FANCG: variants seen among roughly 807,000 people sequenced by gnomAD.
The protein encoded by FANCG is FA complementation group G.
In FANCG, 67 loss-of-function variants were observed where a neutral mutation model predicts 73.3. That is an observed-to-expected ratio of 0.91 (90% CI 0.75 to 1.12). FANCG has a LOEUF of 1.12. Among genes scored for constraint, FANCG ranks in the 50% most tolerant of loss-of-function variants. FANCG has a pLI of 0.00. For synonymous variants in FANCG, 297 were observed against 311.6 expected, an observed-to-expected ratio of 0.95 and a Z score of 0.49; for missense variants, 643 against 735.6, an observed-to-expected ratio of 0.87 and a Z score of 1.46.
intron 12 of FANCG, 86 bp from the exon 13 acceptor site, chr9:35,074,580 G>A (rs1216726692): frequency 6.4e-7 from 1 of 1,562,770 alleles, no homozygotes; most frequent in African/African-American, 1.4e-5. Flanking sequence ...GAGGCCTAGA[G>A]AGAGGAAGTA....
chr9:35,075,962 C>T lies in FANCG; in HGVS notation c.1143G>A (p.Arg381=). The change falls in exon 9 of 14, where the codon AGG becomes AGA. Residue 381 remains arginine, a splice_region_variant and synonymous_variant. Transcript: ENST00000378643. ...CAGAGAAGCTTGAAGACACACCCAC[C>T]CTTGGCTCCGAGCTATCCAGCAACA... ...LALLLDSSEP[R]FSPPPSPPGP... 6.2e-7 allele frequency: 1 copy of T among 1,614,136 alleles called. No homozygotes were observed.
intron 11 of FANCG, 89 bp from the exon 12 acceptor site, chr9:35,075,171 C>T (rs1829059139): frequency 3.7e-6 from 6 of 1,605,822 alleles, no homozygotes; most frequent in Non-Finnish European, 5.1e-6. Flanking sequence ...CTTGTGTCCA[C>T]AGTCCCTTTC....
At position 35,074,029 on chromosome 9, in the gene FANCG, A is replaced by C. The variant is rs1829028207; in HGVS notation, c.*79T>G. On this transcript the variant is annotated 3_prime_UTR_variant, in exon 14 of 14. Transcript: ENST00000378643. ...TTATATAGGAATGGTCACATTCCTA[A>C]TGATGGTGAAGCAGAAAGCCCTCCC... 9.7e-7 allele frequency: 1 copy of C among 1,030,546 alleles called. No individual in the cohort carries two copies. 63.8% of individuals were successfully genotyped at this position (1,030,546 alleles called of 1,614,324 possible).
intron 10 of FANCG, 30 bp downstream of exon 10, chr9:35,075,435 T>G: frequency 6.2e-7 from 1 of 1,613,940 alleles, no homozygotes; most frequent in Non-Finnish European, 8.5e-7. Flanking sequence ...AAATCATCCC[T>G]CCACACCCCC....
chr9:35,078,521 G>A (rs933091960), intron 3 of FANCG, 84 bp downstream of exon 3: 2 of 1,596,234 alleles, frequency 1.3e-6, no homozygotes, highest in East Asian at 2.2e-5. Flanking sequence ...GGTGACAGAT[G>A]TTGTTTATCC....
Position 35,078,598 on chromosome 9 carries a change from C to T in FANCG, c.307+7G>A, listed in dbSNP as rs768958840. 1.2e-6 allele frequency: 2 copies of T among 1,614,122 alleles called. No homozygotes were observed. Among genetic ancestry groups the T allele is most frequent in the South Asian group, 2.2e-5 (2 of 91,070 alleles). ...CAGGGGAATCAGGGACAATCTCTGGCCCTCACCTCTCTCTAGGCTCCGCTG... is the reference window on the plus strand; with the variant it reads ...CAGGGGAATCAGGGACAATCTCTGGTCCTCACCTCTCTCTAGGCTCCGCTG... On this transcript the variant is annotated splice_region_variant and intron_variant, in intron 3 of 13. Transcript: ENST00000378643.
At chr9:35,075,109 G>A (rs1829058117) in intron 11 of FANCG, 27 bp from the exon 12 acceptor site, 2 of 1,613,378 alleles carry the variant, frequency 1.2e-6, no homozygotes, top group Non-Finnish European at 1.7e-6. Context: ...AAGTCAAGAA[G>A]TGTCTTCCCA....
Position 35,075,060 on chromosome 9 carries a change from C to T in FANCG, c.1503G>A (p.Gln501=). 1.9e-6 allele frequency: 3 copies of T among 1,614,178 alleles called. No homozygotes were observed. Among genetic ancestry groups the T allele is most frequent in the South Asian group, 1.1e-5 (1 of 91,086 alleles). Reference sequence around the variant, plus strand: ...GCAGTGCCGCATCTGACTTACATCCCTGCTCACAGTTGAAAGCTGCCCCTG... The same window carrying T: ...GCAGTGCCGCATCTGACTTACATCCTTGCTCACAGTTGAAAGCTGCCCCTG... ...KEQGAAFNCE[Q]GCKSDAALQQ... The change falls in exon 12 of 14, where the codon CAG becomes CAA. Residue 501 remains glutamine (Q), a synonymous_variant. Coordinates refer to ENST00000378643, the MANE Select transcript of FANCG (RefSeq NM_004629.2).
intron 4 of FANCG, 56 bp from the exon 5 acceptor site, chr9:35,077,455 T>G: frequency 6.2e-7 from 1 of 1,608,932 alleles, no homozygotes; most frequent in Admixed American, 1.7e-5. Context: ...CGTCTTCTCC[T>G]ATCTCCATCT....
At chr9:35,076,273 G>A in intron 8 of FANCG, 159 bp downstream of exon 8, 1 of 868,486 alleles carries the variant, frequency 1.2e-6, no homozygotes, top group South Asian at 1.4e-5. Context: ...AGAGTCCTCA[G>A]TTCAGGTCTA....
In FANCG at chr9:35,079,574, A is replaced by C; in HGVS notation, c.-50T>G. 6.3e-7 allele frequency: 1 copy of C among 1,592,094 alleles called. No homozygotes were observed. The highest frequency in any genetic ancestry group is 8.6e-7 in the Non-Finnish European group (1 of 1,161,020). Reference sequence around the variant, plus strand: ...CCAGAAGCGGACTTAGGAAGGGTGAAGCTGGCCTGCCCAAGCTCCCAACCC... The same window carrying C: ...CCAGAAGCGGACTTAGGAAGGGTGACGCTGGCCTGCCCAAGCTCCCAACCC... On this transcript the variant is annotated 5_prime_UTR_variant, in exon 1 of 14. Transcript: ENST00000378643.
chr9:35,077,726 A>G (rs1199624344), intron 4 of FANCG, among the ~76,000 whole-genome samples: 2 of 151,972 alleles, frequency 1.3e-5, no homozygotes, highest in African/African-American at 4.8e-5. Context: ...TGACTTGAGC[A>G]AGATCACAAG....
intron 11 of FANCG, 86 bp downstream of exon 11, chr9:35,075,193 C>T: frequency 1.2e-6 from 2 of 1,603,396 alleles, no homozygotes; most frequent in South Asian, 2.2e-5. Flanking sequence ...CTTAAGTCTC[C>T]TGGTGGGCTG....
intron 4 of FANCG, 50 bp downstream of exon 4, chr9:35,078,091 A>C (rs950693829): frequency 3.9e-6 from 6 of 1,537,692 alleles, no homozygotes; most frequent in Non-Finnish European, 4.5e-6. Context: ...GAGAGAAAGG[A>C]GGAGGAAGGA....
At chr9:35,075,209 C>CA in intron 11 of FANCG, 70 bp downstream of exon 11, 2 of 1,603,726 alleles carry the variant, frequency 1.2e-6, no homozygotes, top group Non-Finnish European at 1.7e-6. Context: ...GGCTGGGACA[C>CA]ATTAAAGGGA....
At chr9:35,075,444 C>T (rs376961485) in intron 10 of FANCG, 21 bp downstream of exon 10, 5 of 1,614,064 alleles carry the variant, frequency 3.1e-6, no homozygotes, top group South Asian at 1.1e-5. Flanking sequence ...CTCCACACCC[C>T]CTCTAGGACC....
At position 35,079,164 on chromosome 9, in the gene FANCG, G is replaced by GA. The variant is rs886063898; in HGVS notation, c.161dup (p.His55ProfsTer2). 1 of 1,607,812 alleles carries GA rather than the reference G, an allele frequency of 6.2e-7. No homozygotes were observed. Among genetic ancestry groups the GA allele is most frequent in the Non-Finnish European group, 8.5e-7 (1 of 1,177,278 alleles). The stretch of plus-strand genomic sequence containing the variant: ...GGACCCGCCTACCTTGCAGACTATG[G>GA]AGGAGCCCTCTGAGCCCTTCCAGTG... On this transcript the variant is annotated frameshift_variant, in exon 2 of 14. Transcript: ENST00000378643. LOFTEE classifies it high-confidence loss of function.
Position 35,075,476 on chromosome 9 carries a change from A to G in FANCG, c.1422T>C (p.Ser474=), listed in dbSNP as rs144369518. The change falls in exon 10 of 14, where the codon AGT becomes AGC. Residue 474 remains serine, a synonymous_variant. Coordinates refer to ENST00000378643, the MANE Select transcript of FANCG (RefSeq NM_004629.2). ...VQLGAQKVAI[S]EFSRCLELLF... is the part of the protein sequence containing the mutation. ...GACCCCGGGCTCACCTGCTAAATTCACTAATTGCCACTTTTTGGGCACCCA... is the reference window on the plus strand; with the variant it reads ...GACCCCGGGCTCACCTGCTAAATTCGCTAATTGCCACTTTTTGGGCACCCA... The G allele has an allele frequency of 5.0e-6, 8 of 1,613,948 alleles. No individual in the cohort carries two copies. The African/African-American group carries it at 9.3e-5, about 19-fold the overall frequency.
In FANCG at chr9:35,079,658, G is replaced by A. The variant is rs1305647154; in HGVS notation, c.-134C>T. 9.3e-6 allele frequency: 8 copies of A among 862,628 alleles called. No individual in the cohort carries two copies. Among genetic ancestry groups the A allele is most frequent in the South Asian group, 8.3e-5 (6 of 72,706 alleles). The allele number at this position is 862,628 out of a possible 1,614,324, so 53.4% of individuals were successfully genotyped here. On this transcript the variant is annotated 5_prime_UTR_variant, in exon 1 of 14. Coordinates refer to ENST00000378643, the MANE Select transcript of FANCG (RefSeq NM_004629.2). Reference sequence around the variant, plus strand: ...GCCGAGCTCCCCTGCTTCTCTCGGGGTCCCAATCCACCCGCCCAGGCTTTC... The same window carrying A: ...GCCGAGCTCCCCTGCTTCTCTCGGGATCCCAATCCACCCGCCCAGGCTTTC...
Sources: allele counts gnomAD v4.1 joint callset (sites outside exome capture counted in the v4.1 genomes callset), GRCh38; gene constraint gnomAD v4.1.1; transcripts MANE v1.5; gene names NCBI Gene and HGNC (gene_info 2026-07-23, HGNC 2026-07-21).